RARB: variants seen among roughly 807,000 people sequenced by gnomAD.
The protein encoded by RARB is HBV-activated protein.
RARB carries 17 observed loss-of-function variants against 51.9 expected under a neutral mutation model. The observed-to-expected ratio is 0.33, with a 90% confidence interval of 0.22 to 0.49. The LOEUF (loss-of-function observed/expected upper bound fraction) is 0.49. Among genes scored for constraint, RARB ranks in the 20% least tolerant of loss-of-function variants. RARB has a pLI of 0.99. For missense variants in RARB, 369 were observed against 550.8 expected (o/e 0.67, Z 3.30); for synonymous variants, 215 against 195.4 (o/e 1.10, Z -0.84).
intron 4 of RARB, among the ~76,000 whole-genome samples, chr3:25,150,925 G>A (rs537956663): frequency 1.3e-5 from 2 of 152,282 alleles, no homozygotes; most frequent in East Asian, 3.9e-4. Context: ...GGAATTTCTT[G>A]TTTTTGCTCA....
intron 5 of RARB, among the ~76,000 whole-genome samples, chr3:25,355,552 C>T (rs1364103978): frequency 2.6e-5 from 4 of 152,018 alleles, no homozygotes; most frequent in African/African-American, 4.8e-5. Context: ...TTGACCTCTA[C>T]TACTAACCAC....
At chr3:25,226,695 A>G (rs1389035458) in intron 5 of RARB, among the ~76,000 whole-genome samples, 1 of 152,174 alleles carries the variant, frequency 6.6e-6, no homozygotes, top group Non-Finnish European at 1.5e-5. Context: ...CAAAAATAGT[A>G]TCTCCCTTCA....
intron 3 of RARB, among the ~76,000 whole-genome samples, chr3:25,566,766 G>C (rs901153093): frequency 6.6e-6 from 1 of 152,222 alleles, no homozygotes; most frequent in Non-Finnish European, 1.5e-5. Context: ...GCAGACACAG[G>C]TCCTGCAGAC....
At chr3:25,528,415 G>C (rs1466789281) in intron 3 of RARB, among the ~76,000 whole-genome samples, 1 of 152,098 alleles carries the variant, frequency 6.6e-6, no homozygotes, top group Admixed American at 6.6e-5. Context: ...AGGGTGCTGG[G>C]ACAGGGGAAA....
At position 25,241,928 on chromosome 3, in the gene RARB, A is replaced by G. The variant is rs143325094; in HGVS notation, c.178+67353A>G. 2.7e-3 allele frequency among the ~76,000 whole-genome samples: 415 copies of G among 152,320 alleles called. 2 individuals are homozygous for G. Among genetic ancestry groups the G allele is most frequent in the African/African-American group, 9.6e-3 (400 of 41,580 alleles). On this transcript the variant is annotated intron_variant, in intron 5 of 11. Transcript: ENST00000383772. ...GTTGAACTAATTTACACTCCCACCA[A>G]CAGTGTAAAAACTTTCCTATTTCTC...
At chr3:25,001,550 G>A (rs537094452) in intron 2 of RARB, among the ~76,000 whole-genome samples, 17 of 152,256 alleles carry the variant, frequency 1.1e-4, no homozygotes, top group Admixed American at 3.3e-4. Context: ...CACAGTGATT[G>A]ACTGTGGCCC....
chr3:25,066,373 C>T (rs1026219326), intron 3 of RARB, among the ~76,000 whole-genome samples: 1 of 152,140 alleles, frequency 6.6e-6, no homozygotes, highest in Non-Finnish European at 1.5e-5. Flanking sequence ...AATTTATTAT[C>T]CATAAATACT....
At chr3:24,944,090 A>G (rs1695724841) in intron 2 of RARB, among the ~76,000 whole-genome samples, 2 of 152,172 alleles carry the variant, frequency 1.3e-5, no homozygotes, top group Admixed American at 1.3e-4. Context: ...GAATCCTGTC[A>G]TGATTGAAGT....
chr3:25,484,203 A>G (rs576723872), intron 2 of RARB, among the ~76,000 whole-genome samples: 36 of 152,232 alleles, frequency 2.4e-4, no homozygotes, highest in Non-Finnish European at 4.1e-4. Context: ...TAGAGTGGGA[A>G]TTTTCTTTAT....
At position 25,183,290 on chromosome 3, in the gene RARB, C is replaced by T. The variant is rs545240164; in HGVS notation, c.178+8715C>T. On this transcript the variant is annotated intron_variant, in intron 5 of 11. Coordinates refer to the RARB transcript ENST00000383772. The stretch of plus-strand genomic sequence containing the variant: ...GAAGAAAGGACTTTTTTTATTACTG[C>T]ATAGCCAATCTGTCTTTATCCTGAC... Among the ~76,000 whole-genome samples the T allele has an allele frequency of 2.0e-5, 3 of 152,160 alleles. No homozygotes were observed. In the South Asian group the frequency reaches 6.2e-4, roughly 32 times the overall value.
intron 2 of RARB, among the ~76,000 whole-genome samples, chr3:25,489,431 A>G (rs1362867387): frequency 6.6e-6 from 1 of 152,206 alleles, no homozygotes. Flanking sequence ...TTTGGTTTAA[A>G]TTTACATTTC....
At chr3:25,126,516 C>T (rs1342217742) in intron 3 of RARB, among the ~76,000 whole-genome samples, 1 of 151,966 alleles carries the variant, frequency 6.6e-6, no homozygotes, top group Non-Finnish European at 1.5e-5. Flanking sequence ...GAAGGATACG[C>T]TTCCAGTCTG....
chr3:25,424,727 A>C (rs1707944655), upstream of RARB, among the ~76,000 whole-genome samples: 1 of 152,092 alleles, frequency 6.6e-6, no homozygotes, highest in African/African-American at 2.4e-5. Flanking sequence ...TTTAGACATC[A>C]CAAGGTATTA....
chr3:25,032,479 T>C (rs1281044986), intron 2 of RARB, among the ~76,000 whole-genome samples: 4 of 152,222 alleles, frequency 2.6e-5, no homozygotes, highest in Non-Finnish European at 4.4e-5. Context: ...TGAGACTGTC[T>C]TATTCACTGA....
Position 25,270,401 on chromosome 3 carries a change from C to T in RARB, c.178+95826C>T, listed in dbSNP as rs145448329. 2.1e-3 allele frequency among the ~76,000 whole-genome samples: 320 copies of T among 152,144 alleles called. 1 individual carries two copies. Among genetic ancestry groups the T allele is most frequent in the African/African-American group, 5.9e-3 (245 of 41,504 alleles). Reference sequence around the variant, plus strand: ...ACAAAAAGACAAATAGTATGTAATTCCACTTATATGAGGTACCTAAAGTAG... The same window carrying T: ...ACAAAAAGACAAATAGTATGTAATTTCACTTATATGAGGTACCTAAAGTAG... On this transcript the variant is annotated intron_variant, in intron 5 of 11. Coordinates refer to the RARB transcript ENST00000383772.
chr3:24,869,008 G>T (rs997009664), intron 2 of RARB, among the ~76,000 whole-genome samples: 1 of 152,046 alleles, frequency 6.6e-6, no homozygotes, highest in Non-Finnish European at 1.5e-5. Flanking sequence ...AAAGGCCTTT[G>T]GTGACTCATG....
At chr3:25,128,951 G>A (rs1699902510) in intron 3 of RARB, among the ~76,000 whole-genome samples, 1 of 152,058 alleles carries the variant, frequency 6.6e-6, no homozygotes, top group South Asian at 2.1e-4. Flanking sequence ...ATAATTAGCT[G>A]TGGAAGTCAA....
intron 3 of RARB, among the ~76,000 whole-genome samples, chr3:25,516,517 G>A (rs142538097): frequency 2.0e-5 from 3 of 152,168 alleles, no homozygotes; most frequent in African/African-American, 2.4e-5. Context: ...ACTGGCTTAG[G>A]GAAGTTAACA....
chr3:25,011,469 G>A (rs553032005), intron 2 of RARB, among the ~76,000 whole-genome samples: 2 of 152,100 alleles, frequency 1.3e-5, no homozygotes, highest in East Asian at 1.9e-4. Context: ...TTTTTCCATC[G>A]AATTATAGCT....
Sources: allele counts gnomAD v4.1 joint callset (sites outside exome capture counted in the v4.1 genomes callset), GRCh38; gene constraint gnomAD v4.1.1; transcripts MANE v1.5; gene names NCBI Gene and HGNC (gene_info 2026-07-23, HGNC 2026-07-21).